SNX29: variants seen among roughly 807,000 people sequenced by gnomAD.
The protein encoded by SNX29 is sorting nexin-29.
A neutral mutation model predicts 102.1 loss-of-function variants in SNX29; 78 were observed. The ratio of observed to expected loss-of-function variants is 0.76; its 90% CI spans 0.64 to 0.92. SNX29 has a LOEUF of 0.92. Ranked by LOEUF, SNX29 falls within the 40% of genes least tolerant of loss-of-function variation. The pLI, the probability that SNX29 is intolerant of heterozygous loss-of-function variation, is 0.00. For missense variants in SNX29, 1,280 were observed against 1,061.7 expected (o/e 1.21, Z -2.86); for synonymous variants, 580 against 414.5 (o/e 1.40, Z -4.85).
intron 13 of SNX29, among the ~76,000 whole-genome samples, chr16:12,192,742 A>G (rs1317185055): frequency 6.6e-6 from 1 of 151,724 alleles, no homozygotes; most frequent in African/African-American, 2.4e-5. Flanking sequence ...TCTCACTTTC[A>G]CCCAGGCTGG....
At chr16:12,028,354 TTTTA>T (rs2057249550) in intron 4 of SNX29, among the ~76,000 whole-genome samples, 1 of 152,142 alleles carries the variant, frequency 6.6e-6, no homozygotes, top group Admixed American at 6.5e-5. Flanking sequence ...CAATAGATCT[TTTTA>T]TTTATTTACT....
At chr16:12,561,481 C>T (rs970067724) in intron 20 of SNX29, among the ~76,000 whole-genome samples, 3 of 152,118 alleles carry the variant, frequency 2.0e-5, no homozygotes, top group African/African-American at 7.2e-5. Flanking sequence ...GGAGTATTGA[C>T]CGGCTCGCCA....
intron 7 of SNX29, among the ~76,000 whole-genome samples, chr16:12,051,118 A>G (rs1478720537): frequency 6.6e-6 from 1 of 152,148 alleles, no homozygotes; most frequent in Non-Finnish European, 1.5e-5. Flanking sequence ...GCTTGAGGCC[A>G]GGAGTTTTGA....
intron 20 of SNX29, among the ~76,000 whole-genome samples, chr16:12,554,777 A>G (rs1287931050): frequency 6.6e-6 from 1 of 151,782 alleles, no homozygotes; most frequent in Non-Finnish European, 1.5e-5. Flanking sequence ...CTCCCCCGCC[A>G]TAGAATGCAA....
chr16:12,554,575 C>T (rs143380738), intron 20 of SNX29, among the ~76,000 whole-genome samples: 152 of 152,338 alleles, frequency 1.0e-3, no homozygotes, highest in African/African-American at 3.3e-3. Context: ...TTAAAGCTGA[C>T]ACCAAGACTT....
At chr16:12,026,764 C>A (rs1024044376) in intron 3 of SNX29, among the ~76,000 whole-genome samples, 5 of 152,148 alleles carry the variant, frequency 3.3e-5, no homozygotes, top group Non-Finnish European at 7.3e-5. Context: ...CTCATATAAT[C>A]TCTTTAGAGC....
chr16:12,556,912 G>C (rs1306374351), intron 20 of SNX29, among the ~76,000 whole-genome samples: 1 of 145,386 alleles, frequency 6.9e-6, no homozygotes, highest in Non-Finnish European at 1.5e-5. Context: ...GAGTGTAGTG[G>C]CATGATCTCG....
chr16:12,179,399 C>T (rs567318217), intron 13 of SNX29, among the ~76,000 whole-genome samples: 102 of 152,340 alleles, frequency 6.7e-4, no homozygotes, highest in Non-Finnish European at 1.3e-3. Flanking sequence ...GCAAGAGGAT[C>T]GCCTGAGCCC....
intron 15 of SNX29, chr16:12,297,468 T>TGTGTGTATTCACTTCTCTCCTCCTCCGC (rs2080020332): frequency 6.6e-6 from 1 of 152,164 alleles, no homozygotes; most frequent in Non-Finnish European, 1.5e-5. Flanking sequence ...TTTTCCTCGG[T>TGTGTGTATTCACTTCTCTCCTCCTCCGC]GTGTGTATTC....
intron 14 of SNX29, among the ~76,000 whole-genome samples, chr16:12,204,443 C>T (rs1199985756): frequency 6.6e-6 from 1 of 152,198 alleles, no homozygotes; most frequent in Non-Finnish European, 1.5e-5. Flanking sequence ...TTTCCTCCTA[C>T]CTCCCCTCTT....
chr16:12,086,065 G>C (rs933630842), intron 11 of SNX29, among the ~76,000 whole-genome samples: 3 of 147,226 alleles, frequency 2.0e-5, no homozygotes, highest in South Asian at 2.1e-4. Context: ...GGGCAGTGGC[G>C]TGATCTCGGC....
At chr16:12,158,440 TC>T (rs2055647227) in intron 13 of SNX29, among the ~76,000 whole-genome samples, 1 of 152,172 alleles carries the variant, frequency 6.6e-6, no homozygotes. Flanking sequence ...CCTCAAGTGA[TC>T]CACCCACCTC....
chr16:12,038,789 T>TGA (rs2057548163), intron 4 of SNX29: 1 of 152,166 alleles, frequency 6.6e-6, no homozygotes, highest in African/African-American at 2.4e-5. Context: ...AGGCTGCAGG[T>TGA]GAGAGTCACT....
chr16:12,216,392 A>G (rs1299611059), intron 14 of SNX29, among the ~76,000 whole-genome samples: 6 of 152,196 alleles, frequency 3.9e-5, no homozygotes, highest in Non-Finnish European at 8.8e-5. Context: ...ACAAAAAGCA[A>G]TAAATCATTG....
chr16:12,450,516 T>G (rs938146212), intron 18 of SNX29, among the ~76,000 whole-genome samples: 3 of 152,212 alleles, frequency 2.0e-5, no homozygotes, highest in Non-Finnish European at 2.9e-5. Flanking sequence ...CTGAACCGCT[T>G]GCTGTGGCCA....
At chr16:12,518,393 C>T (rs750159266) in intron 19 of SNX29, among the ~76,000 whole-genome samples, 1 of 152,216 alleles carries the variant, frequency 6.6e-6, no homozygotes, top group Non-Finnish European at 1.5e-5. Context: ...CAAGCTCCTT[C>T]TGCCTGGGGG....
intron 13 of SNX29, among the ~76,000 whole-genome samples, chr16:12,177,310 C>T (rs780652887): frequency 1.3e-5 from 2 of 152,318 alleles, no homozygotes; most frequent in Admixed American, 6.5e-5. Context: ...CTTTCCTACT[C>T]ACAGCCTCAG....
chr16:12,514,936 G>A (rs187025687), intron 19 of SNX29, among the ~76,000 whole-genome samples: 1 of 151,384 alleles, frequency 6.6e-6, no homozygotes, highest in African/African-American at 2.4e-5. Context: ...AAGAAAGAAA[G>A]AAAGAGAGAA....
intron 15 of SNX29, among the ~76,000 whole-genome samples, chr16:12,355,382 G>A (rs2082101060): frequency 6.6e-6 from 1 of 152,142 alleles, no homozygotes; most frequent in Non-Finnish European, 1.5e-5. Flanking sequence ...AAATGGCCTG[G>A]TATTGTTTTC....
Sources: gnomAD v4.1 joint callset for allele counts (sites outside exome capture counted in the v4.1 genomes callset) on GRCh38, gnomAD v4.1.1 for gene constraint, MANE v1.5 for transcripts, NCBI Gene and HGNC (gene_info 2026-07-23, HGNC 2026-07-21) for gene names.